FAM53B: variants seen among roughly 807,000 people sequenced by gnomAD.
FAM53B encodes the protein family with sequence similarity 53 member B.
In FAM53B, 12 loss-of-function variants were observed where a neutral mutation model predicts 32.7. The observed-to-expected ratio is 0.37, with a 90% CI of 0.24 to 0.59. The LOEUF is 0.59. FAM53B is among the 20% of genes least tolerant of loss of function. The pLI is 0.72. For synonymous variants in FAM53B, 234 were observed against 228.7 expected (o/e 1.02, Z -0.21); for missense variants, 477 against 577.7 (o/e 0.83, Z 1.79).
chr10:124,689,380 G>A (rs1357363299), intron 3 of FAM53B, among the ~76,000 whole-genome samples: 1 of 152,206 alleles, frequency 6.6e-6, no homozygotes, highest in Non-Finnish European at 1.5e-5. Flanking sequence ...TTGCCTGTAT[G>A]ACCAGAAGGA....
chr10:124,640,041 GA>G (rs1321102125), intron 4 of FAM53B, among the ~76,000 whole-genome samples: 1 of 152,190 alleles, frequency 6.6e-6, no homozygotes, highest in African/African-American at 2.4e-5. Flanking sequence ...CAGGATGGCA[GA>G]AAATCACTTT....
chr10:124,643,786 A>G (rs1029508191), intron 4 of FAM53B, among the ~76,000 whole-genome samples: 1 of 152,214 alleles, frequency 6.6e-6, no homozygotes, highest in Non-Finnish European at 1.5e-5. Context: ...GGCTCAGAAG[A>G]TGAGGCACAG....
chr10:124,679,426 T>C (rs181163715), intron 4 of FAM53B, among the ~76,000 whole-genome samples: 29 of 152,220 alleles, frequency 1.9e-4, no homozygotes, highest in African/African-American at 6.7e-4. Flanking sequence ...TCTTGATAAA[T>C]ACACAGGGAT....
At chr10:124,736,000 C>T (rs550842590) in intron 1 of FAM53B, among the ~76,000 whole-genome samples, 3 of 152,366 alleles carry the variant, frequency 2.0e-5, no homozygotes, top group Admixed American at 2.0e-4. Context: ...GCCAAACAGT[C>T]CCATTCTTCC....
intron 4 of FAM53B, among the ~76,000 whole-genome samples, chr10:124,677,607 C>T (rs1444104838): frequency 2.0e-5 from 3 of 152,260 alleles, no homozygotes; most frequent in Admixed American, 1.3e-4. Context: ...TCAGCCTCCC[C>T]GACTCAGGAT....
chr10:124,682,422 C>T lies in FAM53B; in HGVS notation c.134-43G>A, dbSNP rs1325543501. ...AGGAGAAAACAGGATTTGAGAAGAC[C>T]TTCACTCCAGCCCTTTATTATCTCC... is the stretch of plus-strand genomic sequence containing the variant. On this transcript the variant is annotated intron_variant, in intron 3 of 4. Coordinates refer to ENST00000337318, the MANE Select transcript of FAM53B (RefSeq NM_014661.4). The surrounding 1 kb of genome is among the most constrained non-coding windows in gnomAD (Gnocchi z 5.2). 1.8e-5 allele frequency: 27 copies of T among 1,528,408 alleles called. No homozygotes were observed. In the Middle Eastern group the frequency reaches 1.0e-3, roughly 58 times the overall value. The allele number at this position is 1,528,408 out of a possible 1,614,324, so 94.7% of individuals were successfully genotyped here. A position where few individuals can be genotyped will look rare whatever the true frequency, so the allele number is the denominator to read the frequency against.
intron 4 of FAM53B, among the ~76,000 whole-genome samples, chr10:124,627,380 G>A (rs1205616321): frequency 6.6e-6 from 1 of 152,228 alleles, no homozygotes; most frequent in Non-Finnish European, 1.5e-5. Context: ...TGGAAGCCTG[G>A]AGGCCTGTGT....
intron 1 of FAM53B, among the ~76,000 whole-genome samples, chr10:124,710,552 G>C (rs944259247): frequency 6.6e-6 from 1 of 152,286 alleles, no homozygotes; most frequent in African/African-American, 2.4e-5. Flanking sequence ...CTGCAAACAG[G>C]GTCAGGGTCT....
chr10:124,665,826 A>G (rs978934919), intron 4 of FAM53B, among the ~76,000 whole-genome samples: 1 of 152,224 alleles, frequency 6.6e-6, no homozygotes, highest in Non-Finnish European at 1.5e-5. Context: ...TAGGTAAATA[A>G]ATAGTGGCTG....
intron 4 of FAM53B, among the ~76,000 whole-genome samples, chr10:124,660,684 A>G (rs1949625575): frequency 6.6e-6 from 1 of 152,228 alleles, no homozygotes; most frequent in Non-Finnish European, 1.5e-5. Context: ...AGAAATTGCC[A>G]AGCAAATCCA....
intron 1 of FAM53B, chr10:124,714,306 G>C (rs1256039554): frequency 6.6e-6 from 1 of 152,086 alleles, no homozygotes; most frequent in Admixed American, 6.6e-5. Flanking sequence ...AGAGAGTCTG[G>C]TGTTTCAACC....
At chr10:124,711,923 C>T (rs895475427) in intron 1 of FAM53B, among the ~76,000 whole-genome samples, 1 of 151,952 alleles carries the variant, frequency 6.6e-6, no homozygotes, top group African/African-American at 2.4e-5. Flanking sequence ...AATAGCCAGG[C>T]GTGGGAGTGT....
rs564221187 is a variant in FAM53B at position 124,682,636 on chromosome 10, G to C, written c.134-257C>G. Among the ~76,000 whole-genome samples the C allele has an allele frequency of 6.6e-6, 1 of 152,254 alleles. No homozygotes were observed. Among genetic ancestry groups the C allele is most frequent in the East Asian group, 1.9e-4 (1 of 5,178 alleles). ...GATATACCCCTGGGACTCCTGATATGGTTTTCTTTCCAGTGTACCACACTG... is the reference window on the plus strand; with the variant it reads ...GATATACCCCTGGGACTCCTGATATCGTTTTCTTTCCAGTGTACCACACTG... On this transcript the variant is annotated intron_variant, in intron 3 of 4. Coordinates refer to ENST00000337318, the MANE Select transcript of FAM53B (RefSeq NM_014661.4). This position sits in a 1 kb window ranked among gnomAD's most constrained non-coding sequence, Gnocchi z 5.2.
At chr10:124,683,917 C>T (rs571728631) in intron 3 of FAM53B, among the ~76,000 whole-genome samples, 7 of 152,350 alleles carry the variant, frequency 4.6e-5, no homozygotes, top group African/African-American at 1.4e-4. Flanking sequence ...TCACAAGCAG[C>T]AGCTACTTGA....
At position 124,703,013 on chromosome 10, in the gene FAM53B, G is replaced by C. The variant is rs545394273; in HGVS notation, c.78+3623C>G. Among the ~76,000 whole-genome samples the C allele has an allele frequency of 2.0e-5, 3 of 152,096 alleles. No individual in the cohort carries two copies. The South Asian group carries it at 6.2e-4, about 32-fold the overall frequency. On this transcript the variant is annotated intron_variant, in intron 2 of 4. Transcript: ENST00000337318. ...ACCTTCTGCCATGACTGGAAGCTTC[G>C]TGAGGCCTTACTAGAAACAGATGCA...
intron 1 of FAM53B, among the ~76,000 whole-genome samples, chr10:124,722,028 TG>T (rs1305755590): frequency 1.3e-5 from 2 of 152,068 alleles, no homozygotes; most frequent in Admixed American, 6.6e-5. Flanking sequence ...GACTAGAGGC[TG>T]GGAAGGGTAG....
chr10:124,739,043 C>CA (rs374990179), intron 1 of FAM53B, among the ~76,000 whole-genome samples: 3,084 of 107,518 alleles, frequency 0.029, 89 homozygotes, highest in Admixed American at 0.1. Flanking sequence ...CTCCAAAAAA[C>CA]AAAAAAAAAA....
intron 4 of FAM53B, among the ~76,000 whole-genome samples, chr10:124,636,683 G>A (rs902164934): frequency 1.3e-5 from 2 of 148,470 alleles, no homozygotes; most frequent in Admixed American, 6.7e-5. Flanking sequence ...CTGCCAGGCC[G>A]GGCCCCATCC....
At chr10:124,654,879 C>T (rs2134052785) in intron 4 of FAM53B, among the ~76,000 whole-genome samples, 1 of 152,314 alleles carries the variant, frequency 6.6e-6, no homozygotes, top group South Asian at 2.1e-4. Flanking sequence ...CTAAGGAGCT[C>T]CATGGGGGAA....
Sources: allele counts gnomAD v4.1 joint callset (sites outside exome capture counted in the v4.1 genomes callset), GRCh38; gene constraint gnomAD v4.1.1; non-coding constraint Gnocchi (gnomAD v3.1); transcripts MANE v1.5; gene names NCBI Gene and HGNC (gene_info 2026-07-23, HGNC 2026-07-21).